The following SENP5 variants were observed in gnomAD, a reference collection of about 807,000 sequenced individuals.
The protein encoded by SENP5 is sentrin-specific protease 5.
SENP5 carries 21 observed loss-of-function variants against 74.2 expected under a neutral mutation model. The ratio of observed to expected loss-of-function variants is 0.28; its 90% CI spans 0.20 to 0.41. The LOEUF (loss-of-function observed/expected upper bound fraction) is 0.41. Ranked by LOEUF, SENP5 falls within the 10% of genes least tolerant of loss-of-function variation. SENP5 has a pLI of 1.00. For missense variants in SENP5, 717 were observed against 889.1 expected (o/e 0.81, Z 2.46); for synonymous variants, 311 against 312.7 (o/e 0.99, Z 0.06).
At chr3:196,920,890 G>C (rs1715588540) in intron 6 of SENP5, among the ~76,000 whole-genome samples, 1 of 152,116 alleles carries the variant, frequency 6.6e-6, no homozygotes, top group East Asian at 1.9e-4. Context: ...ACATCCTTTT[G>C]ATTAAAGCAA....
At position 196,919,898 on chromosome 3, in the gene SENP5, G is replaced by A. The variant is rs73891575; in HGVS notation, c.1885-3516G>A. Among the ~76,000 whole-genome samples, 1,082 of 151,414 alleles carry A rather than the reference G, an allele frequency of 7.1e-3. 8 individuals carry two copies. The highest frequency in any genetic ancestry group is 0.025 in the African/African-American group (1,026 of 41,276). ...TATAGAAAGTCAACTGATCATATAT[G>A]TGTAGGTCTACTTCTGGATTTTCTG... On this transcript the variant is annotated intron_variant, in intron 6 of 9. Coordinates refer to ENST00000323460, the MANE Select transcript of SENP5 (RefSeq NM_152699.5).
At position 196,885,629 on chromosome 3, in the gene SENP5, G is replaced by A. The variant is rs773429027; in HGVS notation, c.448G>A (p.Gly150Ser). 1.2e-6 allele frequency: 2 copies of A among 1,614,012 alleles called. No individual in the cohort carries two copies. The highest frequency in any genetic ancestry group is 1.7e-6 in the Non-Finnish European group (2 of 1,180,046). The part of the protein sequence containing the change: ...VTDFPSNSAL[G>S]QANGHRPRTD... ...TGACTTTCCATCAAATAGTGCTTTA[G>A]GTCAGGCCAATGGTCACAGACCTAG... is the stretch of plus-strand genomic sequence containing the variant. Residue 150 changes from glycine to serine, a missense_variant, in exon 2 of 10, where the codon GGT becomes AGT. Gly to Ser is a moderately conservative substitution (Grantham distance 56). Coordinates refer to ENST00000323460, the MANE Select transcript of SENP5 (RefSeq NM_152699.5).
At chr3:196,930,663 A>G (rs1248720833) in intron 9 of SENP5, 150 bp from the exon 10 acceptor site, 7 of 604,884 alleles carry the variant, frequency 1.2e-5, no homozygotes, top group African/African-American at 1.1e-4. Flanking sequence ...GTCTGTGGAA[A>G]AATTGCCTTA....
intron 5 of SENP5, 45 bp downstream of exon 5, chr3:196,900,457 A>T: frequency 6.7e-7 from 1 of 1,499,186 alleles, no homozygotes; most frequent in Admixed American, 2.1e-5. Context: ...GTTCTTGTGT[A>T]TTAAAATGAG....
intron 6 of SENP5, among the ~76,000 whole-genome samples, chr3:196,919,584 A>C (rs1422929339): frequency 6.6e-6 from 1 of 152,188 alleles, no homozygotes; most frequent in Non-Finnish European, 1.5e-5. Flanking sequence ...ACATGAGGTC[A>C]GGTGTTCAAG....
chr3:196,918,003 A>AT (rs1337989765), intron 6 of SENP5, among the ~76,000 whole-genome samples: 1 of 152,150 alleles, frequency 6.6e-6, no homozygotes, highest in African/African-American at 2.4e-5. Context: ...TTAAGCGATA[A>AT]TATAAAAAGA....
At chr3:196,901,969 T>C (rs1428610549) in intron 5 of SENP5, among the ~76,000 whole-genome samples, 1 of 152,174 alleles carries the variant, frequency 6.6e-6, no homozygotes, top group Non-Finnish European at 1.5e-5. Context: ...ATCCCACACC[T>C]ACTGAATCAG....
intron 8 of SENP5, chr3:196,929,049 T>C (rs139693090): frequency 8.5e-5 from 13 of 152,650 alleles, no homozygotes; most frequent in African/African-American, 2.9e-4. Context: ...TAGCCAGGCG[T>C]AGTCCCAGCT....
At chr3:196,915,862 C>T (rs1715347218) in intron 6 of SENP5, among the ~76,000 whole-genome samples, 2 of 152,206 alleles carry the variant, frequency 1.3e-5, no homozygotes, top group Non-Finnish European at 2.9e-5. Context: ...CCCTGTAGTG[C>T]AGATACGGCT....
At chr3:196,869,626 G>GGC (rs1713116518) in intron 1 of SENP5, among the ~76,000 whole-genome samples, 1 of 151,726 alleles carries the variant, frequency 6.6e-6, no homozygotes, top group African/African-American at 2.4e-5. Context: ...CAGGCGTGGT[G>GGC]GCGCATGCCT....
At chr3:196,902,880 A>G (rs1488427601) in intron 5 of SENP5, among the ~76,000 whole-genome samples, 1 of 152,154 alleles carries the variant, frequency 6.6e-6, no homozygotes, top group Non-Finnish European at 1.5e-5. Context: ...CATCCTTCAC[A>G]TGGAGTTAGT....
intron 1 of SENP5, among the ~76,000 whole-genome samples, chr3:196,874,869 GAA>G (rs769406120): frequency 6.9e-6 from 1 of 144,578 alleles, no homozygotes; most frequent in East Asian, 2.0e-4. Flanking sequence ...ACAAGAGTGG[GAA>G]AAAAAAAAAA....
At chr3:196,888,310 C>G (rs1714059761) in intron 2 of SENP5, among the ~76,000 whole-genome samples, 1 of 152,106 alleles carries the variant, frequency 6.6e-6, no homozygotes, top group Non-Finnish European at 1.5e-5. Context: ...AGGCCAGGTG[C>G]TGTGGCTCAC....
At position 196,931,642 on chromosome 3, in the gene SENP5, C is replaced by A; in HGVS notation, c.*719C>A. On this transcript the variant is annotated 3_prime_UTR_variant, in exon 10 of 10. Transcript: ENST00000323460. ...AATCGTGGTTTTAGGAATTATAATA[C>A]GTGGCATACATCTCATAAAGGCTTT... The A allele has an allele frequency of 3.9e-6, 1 of 253,690 alleles. No individual in the cohort carries two copies. The highest frequency in any genetic ancestry group is 7.7e-6 in the Non-Finnish European group (1 of 129,142). The allele number at this position is 253,690 out of a possible 1,614,324, so 15.7% of individuals were successfully genotyped here.
chr3:196,895,254 T>C (rs1277901006), intron 2 of SENP5, among the ~76,000 whole-genome samples: 1 of 148,558 alleles, frequency 6.7e-6, no homozygotes, highest in East Asian at 2.0e-4. Flanking sequence ...TGCAGTGGCA[T>C]AATCTCAGCT....
chr3:196,917,953 G>A (rs574279246), intron 6 of SENP5, among the ~76,000 whole-genome samples: 2 of 152,238 alleles, frequency 1.3e-5, no homozygotes, highest in African/African-American at 2.4e-5. Flanking sequence ...TTTTGAGTAG[G>A]AAGACTACAA....
chr3:196,906,225 A>G (rs1465799358), intron 6 of SENP5, among the ~76,000 whole-genome samples: 1 of 151,518 alleles, frequency 6.6e-6, no homozygotes, highest in Non-Finnish European at 1.5e-5. Flanking sequence ...CTAAAAAAAA[A>G]GAAAAAAAGA....
At chr3:196,873,261 C>T (rs1348033010) in intron 1 of SENP5, among the ~76,000 whole-genome samples, 6 of 151,504 alleles carry the variant, frequency 4.0e-5, no homozygotes, top group East Asian at 3.9e-4. Context: ...TTAGTAGAGA[C>T]GGGGTTTCTC....
chr3:196,883,682 C>G (rs578205493), intron 1 of SENP5, among the ~76,000 whole-genome samples: 4 of 144,624 alleles, frequency 2.8e-5, no homozygotes, highest in Non-Finnish European at 4.5e-5. Flanking sequence ...TTCTGAGGTC[C>G]TATAGCTGCT....
Sources: gnomAD v4.1 joint callset for allele counts (sites outside exome capture counted in the v4.1 genomes callset) on GRCh38, gnomAD v4.1.1 for gene constraint, MANE v1.5 for transcripts, NCBI Gene and HGNC (gene_info 2026-07-23, HGNC 2026-07-21) for gene names.